Variants in C3orf49 observed in about 807,000 individuals in gnomAD.
C3orf49 encodes the protein chromosome 3 open reading frame 49.
C3orf49 carries 27 observed loss-of-function variants against 13.3 expected under a neutral mutation model. The observed-to-expected ratio is 2.02, with a 90% CI of 1.49 to 2.79. The LOEUF (loss-of-function observed/expected upper bound fraction) is 2.79, where lower values mean the gene tolerates loss of function less well. Among genes scored for constraint, C3orf49 ranks in the 30% most tolerant of loss-of-function variants. C3orf49 has a pLI of 0.00. For missense variants in C3orf49, 242 were observed against 134.2 expected, an observed-to-expected ratio of 1.80 and a Z score of -3.97; for synonymous variants, 87 against 47.6, an observed-to-expected ratio of 1.83 and a Z score of -3.40.
At chr3:63,831,938 T>A in intron 5 of C3orf49, 94 bp downstream of exon 5, 3 of 613,852 alleles carry the variant, frequency 4.9e-6, no homozygotes, top group Non-Finnish European at 8.7e-6. Context: ...CTCACGCCTG[T>A]AATCTCAGCA....
upstream of C3orf49, among the ~76,000 whole-genome samples, chr3:63,816,995 C>T (rs1455785835): frequency 1.3e-5 from 2 of 151,876 alleles, no homozygotes; most frequent in African/African-American, 4.8e-5. Context: ...AGGATGTTCT[C>T]GATCTCCTGC....
At chr3:63,812,399 G>A in the C3orf49 span, among the ~76,000 whole-genome samples, 1 of 152,154 alleles carries the variant, frequency 6.6e-6, no homozygotes, top group East Asian at 1.9e-4. Context: ...GCCACACGTT[G>A]GACAAACTTG....
the C3orf49 span, among the ~76,000 whole-genome samples, chr3:63,812,437 C>G: frequency 6.6e-6 from 1 of 152,172 alleles, no homozygotes; most frequent in Admixed American, 6.5e-5. Flanking sequence ...CTGAGCATCT[C>G]CACTGTGTGT....
the C3orf49 span, among the ~76,000 whole-genome samples, chr3:63,811,555 G>A: frequency 1.5e-4 from 22 of 144,036 alleles, no homozygotes; most frequent in Non-Finnish European, 2.9e-4. Flanking sequence ...AAGGCTCTGT[G>A]TCAAAAAACA....
At chr3:63,839,603 G>A in intron 5 of C3orf49, 1 of 1,446,104 alleles carries the variant, frequency 6.9e-7, no homozygotes, top group Admixed American at 1.7e-5. Context: ...TTAATATAGG[G>A]CCTAAAATCA....
At chr3:63,835,375 C>G in intron 5 of C3orf49, 1 of 1,613,352 alleles carries the variant, frequency 6.2e-7, no homozygotes, top group Non-Finnish European at 8.5e-7. Context: ...ATTCTTTTCC[C>G]AGAGCCTCTA....
At chr3:63,817,706 G>A (rs1236913096), upstream of C3orf49, among the ~76,000 whole-genome samples, 1 of 151,908 alleles carries the variant, frequency 6.6e-6, no homozygotes, top group Non-Finnish European at 1.5e-5. Flanking sequence ...TCTGCTTCAG[G>A]ACTCCTTTGG....
chr3:63,823,656 C>T, intron 2 of C3orf49, 87 bp downstream of exon 2: 1 of 620,018 alleles, frequency 1.6e-6, no homozygotes, highest in South Asian at 1.9e-5. Context: ...ACCAGTATGG[C>T]ATCCCTGAGG....
At chr3:63,797,659 G>T in the C3orf49 span, among the ~76,000 whole-genome samples, 16,957 of 152,160 alleles carry the variant, frequency 0.11, 1,692 homozygotes, top group African/African-American at 0.26. Context: ...AGATTGGCTA[G>T]CAGTCTTCCG....
chr3:63,832,402 T>C (rs1337552492), intron 5 of C3orf49, among the ~76,000 whole-genome samples: 1 of 152,164 alleles, frequency 6.6e-6, no homozygotes, highest in Non-Finnish European at 1.5e-5. Flanking sequence ...CTCACATCTA[T>C]ACTCCCAGCA....
chr3:63,780,590 T>A, the C3orf49 span, among the ~76,000 whole-genome samples: 18 of 152,328 alleles, frequency 1.2e-4, 1 homozygote, highest in Admixed American at 9.1e-4. Context: ...TTGAACTAGT[T>A]TACAGACAGT....
chr3:63,808,558 G>C, the C3orf49 span, among the ~76,000 whole-genome samples: 1 of 152,072 alleles, frequency 6.6e-6, no homozygotes. Flanking sequence ...GAAGGTTTTA[G>C]CAAAGGTAAC....
upstream of C3orf49, among the ~76,000 whole-genome samples, chr3:63,818,690 C>A (rs539116220): frequency 4.6e-5 from 7 of 152,216 alleles, no homozygotes; most frequent in East Asian, 9.7e-4. Flanking sequence ...CAACTCAAAC[C>A]GCGAGAGGGT....
upstream of C3orf49, among the ~76,000 whole-genome samples, chr3:63,814,477 C>T (rs1333086549): frequency 6.6e-5 from 10 of 152,118 alleles, no homozygotes; most frequent in Admixed American, 6.5e-4. Context: ...CAATAGGAGT[C>T]AACTGTTGTC....
At chr3:63,842,179 G>T (rs1409587330) in intron 5 of C3orf49, among the ~76,000 whole-genome samples, 3 of 152,072 alleles carry the variant, frequency 2.0e-5, no homozygotes, top group African/African-American at 7.2e-5. Flanking sequence ...CTTCTCAAAA[G>T]AAGACATACA....
the C3orf49 span, among the ~76,000 whole-genome samples, chr3:63,801,681 C>T: frequency 6.6e-6 from 1 of 152,134 alleles, no homozygotes; most frequent in Non-Finnish European, 1.5e-5. Flanking sequence ...TAGTGCCCAG[C>T]GTCAGCCATT....
chr3:63,832,366 A>T (rs1264879824), intron 5 of C3orf49, among the ~76,000 whole-genome samples: 1 of 151,748 alleles, frequency 6.6e-6, no homozygotes, highest in Non-Finnish European at 1.5e-5. Context: ...TTTTTGAAAA[A>T]CTGGTATTTG....
At chr3:63,802,224 T>G in the C3orf49 span, among the ~76,000 whole-genome samples, 2 of 152,326 alleles carry the variant, frequency 1.3e-5, no homozygotes, top group Middle Eastern at 6.8e-3. Flanking sequence ...TTTGCTATTG[T>G]TTCTGCAGAG....
the C3orf49 span, among the ~76,000 whole-genome samples, chr3:63,781,609 A>T: frequency 6.6e-6 from 1 of 152,200 alleles, no homozygotes; most frequent in East Asian, 1.9e-4. Context: ...GAGTTTATGG[A>T]AGTCACACTC....
Sources: allele counts gnomAD v4.1 joint callset (sites outside exome capture counted in the v4.1 genomes callset), GRCh38; gene constraint gnomAD v4.1.1; transcripts MANE v1.5; gene names NCBI Gene and HGNC (gene_info 2026-07-23, HGNC 2026-07-21).